The following CNTN5 variants were observed in gnomAD, a reference collection of about 807,000 sequenced individuals.
CNTN5 encodes contactin 5.
Under a neutral mutation model 129.1 loss-of-function variants are expected in CNTN5, and 77 were observed. The observed-to-expected ratio is 0.60, with a 90% CI of 0.50 to 0.72. The LOEUF (loss-of-function observed/expected upper bound fraction) is 0.72. Ranked by LOEUF, CNTN5 falls within the 30% of genes least tolerant of loss-of-function variation. The pLI, the probability that CNTN5 is intolerant of heterozygous loss-of-function variation, is 0.00. For synonymous variants in CNTN5, 509 were observed against 465.6 expected (o/e 1.09, Z -1.20); for missense variants, 1,478 against 1,328.8 (o/e 1.11, Z -1.75).
At chr11:99,521,389 C>A (rs188642636) in intron 2 of CNTN5, among the ~76,000 whole-genome samples, 1 of 152,192 alleles carries the variant, frequency 6.6e-6, no homozygotes, top group African/African-American at 2.4e-5. Flanking sequence ...TCACAAGTTT[C>A]TTTTTAAGTT....
intron 3 of CNTN5, among the ~76,000 whole-genome samples, chr11:99,574,426 A>G (rs1488205204): frequency 1.3e-5 from 2 of 152,202 alleles, no homozygotes; most frequent in African/African-American, 2.4e-5. Flanking sequence ...TTTACCCAGT[A>G]ATGGATTGCT....
chr11:100,071,479 T>G (rs907232747), intron 11 of CNTN5, among the ~76,000 whole-genome samples: 2 of 152,176 alleles, frequency 1.3e-5, no homozygotes, highest in African/African-American at 4.8e-5. Flanking sequence ...CTTGTCAGAA[T>G]AACTACAAAA....
chr11:99,382,738 G>A (rs1017978588), intron 2 of CNTN5, among the ~76,000 whole-genome samples: 6 of 150,952 alleles, frequency 4.0e-5, no homozygotes, highest in Non-Finnish European at 7.4e-5. Context: ...GTTTTCTTAT[G>A]GGAGGAGAGG....
At chr11:100,070,250 G>T (rs540574794) in intron 10 of CNTN5, among the ~76,000 whole-genome samples, 174 bp from the exon 11 acceptor site, 2 of 151,424 alleles carry the variant, frequency 1.3e-5, no homozygotes, top group East Asian at 3.9e-4. Context: ...GCTATTTTTT[G>T]GGGGTACAGG....
At chr11:99,419,939 G>A (rs1942814911) in intron 2 of CNTN5, among the ~76,000 whole-genome samples, 1 of 151,914 alleles carries the variant, frequency 6.6e-6, no homozygotes, top group Non-Finnish European at 1.5e-5. Context: ...TTCACCAAAT[G>A]TATGATAGTG....
At chr11:99,634,668 C>A (rs549822501) in intron 3 of CNTN5, among the ~76,000 whole-genome samples, 2 of 152,160 alleles carry the variant, frequency 1.3e-5, no homozygotes, top group African/African-American at 4.8e-5. Context: ...CATCTGAAAG[C>A]ACCCTCCCTC....
chr11:99,213,516 A>G (rs1859952525), intron 1 of CNTN5, among the ~76,000 whole-genome samples: 1 of 149,464 alleles, frequency 6.7e-6, no homozygotes. Context: ...ATATTTCCTG[A>G]GGGTTGGCTC....
chr11:99,641,283 A>G (rs1316574184), intron 3 of CNTN5, among the ~76,000 whole-genome samples: 1 of 152,246 alleles, frequency 6.6e-6, no homozygotes, highest in Non-Finnish European at 1.5e-5. Context: ...TGAGTGGAAC[A>G]AAAGGGCCAA....
intron 13 of CNTN5, among the ~76,000 whole-genome samples, chr11:100,150,730 T>G (rs2138307217): frequency 1.3e-5 from 2 of 152,146 alleles, no homozygotes; most frequent in East Asian, 3.9e-4. Flanking sequence ...TGAACTCGGC[T>G]AAGGCTTTTT....
intron 1 of CNTN5, among the ~76,000 whole-genome samples, chr11:99,127,223 C>T (rs7946983): frequency 0.73 from 111,022 of 152,032 alleles, 40,864 homozygotes; most frequent in Middle Eastern, 0.76. Flanking sequence ...CACTTACATC[C>T]TTACCATTGA....
chr11:100,303,148 A>G (rs1048512005), intron 20 of CNTN5, among the ~76,000 whole-genome samples: 1 of 151,608 alleles, frequency 6.6e-6, no homozygotes, highest in Non-Finnish European at 1.5e-5. Flanking sequence ...CTGCCAAGAT[A>G]TCCATGTACC....
chr11:99,203,759 G>A (rs1484455727), intron 1 of CNTN5, among the ~76,000 whole-genome samples: 7 of 151,868 alleles, frequency 4.6e-5, no homozygotes, highest in East Asian at 1.9e-4. Context: ...CAGCACGTCC[G>A]GCTAATTTTT....
chr11:99,943,726 G>A (rs562855201), intron 7 of CNTN5, among the ~76,000 whole-genome samples: 2 of 152,172 alleles, frequency 1.3e-5, no homozygotes, highest in Non-Finnish European at 2.9e-5. Flanking sequence ...TGTAAGGAAG[G>A]GGTCCAGTTT....
rs1358886079 is a variant in CNTN5 at position 99,365,548 on chromosome 11, A to T, written c.-71+40064A>T. ...GGGAATATGCTGAATGATCTGGCCA[A>T]TTCATTTCATTTCATTTCATTTCAA... On this transcript the variant is annotated intron_variant, in intron 2 of 24. Transcript: ENST00000524871. Among the ~76,000 whole-genome samples the T allele has an allele frequency of 1.2e-4, 19 of 152,184 alleles. 1 individual carries two copies. Among genetic ancestry groups the T allele is most frequent in the Non-Finnish European group, 1.0e-4 (7 of 68,024 alleles).
At chr11:100,023,741 T>C (rs551489618) in intron 9 of CNTN5, among the ~76,000 whole-genome samples, 3 of 152,214 alleles carry the variant, frequency 2.0e-5, no homozygotes, top group Non-Finnish European at 4.4e-5. Flanking sequence ...GAATATCATA[T>C]GACTGAAACC....
intron 1 of CNTN5, among the ~76,000 whole-genome samples, chr11:99,100,187 T>C (rs1175379105): frequency 6.6e-6 from 1 of 152,108 alleles, no homozygotes; most frequent in Non-Finnish European, 1.5e-5. Flanking sequence ...TCTAAATAAA[T>C]ATTTTTTCTA....
chr11:99,886,040 T>C (rs560009028), intron 6 of CNTN5, among the ~76,000 whole-genome samples: 1 of 152,250 alleles, frequency 6.6e-6, no homozygotes, highest in South Asian at 2.1e-4. Flanking sequence ...AATGTGTATC[T>C]ACATTAAAAA....
At chr11:99,058,101 C>G (rs936409442) in intron 1 of CNTN5, among the ~76,000 whole-genome samples, 1 of 151,728 alleles carries the variant, frequency 6.6e-6, no homozygotes, top group East Asian at 1.9e-4. Flanking sequence ...GAAGGGATGA[C>G]GACAGAAAGA....
chr11:99,871,886 A>T (rs1948512000), intron 6 of CNTN5, among the ~76,000 whole-genome samples: 1 of 151,770 alleles, frequency 6.6e-6, no homozygotes, highest in Non-Finnish European at 1.5e-5. Flanking sequence ...TGATCTAGCC[A>T]TGATGCATAT....
Sources: allele counts gnomAD v4.1 joint callset (sites outside exome capture counted in the v4.1 genomes callset), GRCh38; gene constraint gnomAD v4.1.1; transcripts MANE v1.5; gene names NCBI Gene and HGNC (gene_info 2026-07-23, HGNC 2026-07-21).